Variants in CHUK observed in about 807,000 individuals in gnomAD.
CHUK encodes the protein inhibitor of nuclear factor kappa-B kinase subunit alpha.
CHUK carries 35 observed loss-of-function variants against 104.8 expected under a neutral mutation model. The observed-to-expected ratio is 0.33, with a 90% CI of 0.26 to 0.44. CHUK has a LOEUF of 0.44. Ranked by LOEUF, CHUK falls within the 20% of genes least tolerant of loss-of-function variation. The pLI, the probability that CHUK is intolerant of heterozygous loss-of-function variation, is 1.00. For synonymous variants in CHUK, 276 were observed against 291.9 expected (o/e 0.95, Z 0.56); for missense variants, 663 against 902.7 (o/e 0.73, Z 3.40).
At chr10:100,223,025 TA>T in intron 2 of CHUK, 45 bp from the exon 3 acceptor site, 2 of 982,110 alleles carry the variant, frequency 2.0e-6, no homozygotes, top group Non-Finnish European at 1.6e-6. Flanking sequence ...TTATTTCCAA[TA>T]AAAAGGGACT....
At chr10:100,207,823 T>G (rs768553180) in intron 10 of CHUK, among the ~76,000 whole-genome samples, 1 of 152,162 alleles carries the variant, frequency 6.6e-6, no homozygotes, top group Non-Finnish European at 1.5e-5. Context: ...TTTAAGCTGA[T>G]TTATGGTGAC....
At chr10:100,192,654 T>C (rs1415762337) in intron 19 of CHUK, 27 of 986,686 alleles carry the variant, frequency 2.7e-5, no homozygotes, top group Admixed American at 6.1e-5. Context: ...ATACACAAGC[T>C]AGCAAAGAGC....
chr10:100,192,577 T>C (rs1220271765), intron 19 of CHUK: 1 of 984,798 alleles, frequency 1.0e-6, no homozygotes, highest in African/African-American at 1.7e-5. Flanking sequence ...GCAAAACTAA[T>C]TATGGGCAGA....
At chr10:100,200,811 A>G in intron 14 of CHUK, 31 bp from the exon 15 acceptor site, 1 of 1,218,184 alleles carries the variant, frequency 8.2e-7, no homozygotes, top group Non-Finnish European at 1.2e-6. Context: ...AAAGGAAATG[A>G]AAGGCTTACC....
At chr10:100,211,290 CAATTT>C (rs1362900461) in intron 9 of CHUK, among the ~76,000 whole-genome samples, 21 of 152,158 alleles carry the variant, frequency 1.4e-4, no homozygotes, top group African/African-American at 3.6e-4. Context: ...TATTTTGTGA[CAATTT>C]AATTTGACAT....
chr10:100,206,401 A>G (rs139920714), intron 11 of CHUK, among the ~76,000 whole-genome samples: 114 of 152,126 alleles, frequency 7.5e-4, no homozygotes, highest in African/African-American at 2.5e-3. Context: ...GAAAAACTAC[A>G]TGCGTGAGTG....
rs766719124 is a variant in CHUK at position 100,188,609 on chromosome 10, C to CT, written c.*988dup. On this transcript the variant is annotated 3_prime_UTR_variant, in exon 21 of 21. Coordinates refer to ENST00000370397, the MANE Select transcript of CHUK (RefSeq NM_001278.5). ...CTCACCACAGTCTGTGGCAGCAGCC[C>CT]TCCCTCTCATCATCAAGCAGCAAAA... 1 of 152,522 alleles carries CT rather than the reference C, an allele frequency of 6.6e-6. No individual in the cohort carries two copies. Among genetic ancestry groups the CT allele is most frequent in the Non-Finnish European group, 1.5e-5 (1 of 68,030 alleles). 9.4% of individuals were successfully genotyped at this position (152,522 alleles called of 1,614,324 possible).
At chr10:100,207,770 C>G (rs1458203461) in intron 10 of CHUK, among the ~76,000 whole-genome samples, 1 of 151,808 alleles carries the variant, frequency 6.6e-6, no homozygotes, top group East Asian at 1.9e-4. Context: ...CTGGGGTGGA[C>G]AGAATGGAGA....
chr10:100,221,527 G>C (rs929504006), intron 4 of CHUK, among the ~76,000 whole-genome samples: 10 of 152,158 alleles, frequency 6.6e-5, no homozygotes, highest in African/African-American at 1.7e-4. Context: ...CAATGGTAGG[G>C]GGGGAGAGAA....
Position 100,200,893 on chromosome 10 carries a change from T to C in CHUK, c.1570-113A>G, listed in dbSNP as rs1158779018. The stretch of plus-strand genomic sequence containing the variant: ...CTTGCTGCTTCATTAGAGAACTAAA[T>C]AATATAATACGAAACACTGATTTTG... On this transcript the variant is annotated intron_variant, in intron 14 of 20. Coordinates refer to ENST00000370397, the MANE Select transcript of CHUK (RefSeq NM_001278.5). 8 of 714,698 alleles carry C rather than the reference T, an allele frequency of 1.1e-5. 1 individual carries two copies. Among genetic ancestry groups the C allele is most frequent in the Non-Finnish European group, 1.8e-5 (7 of 392,028 alleles). 44.3% of individuals were successfully genotyped at this position (714,698 alleles called of 1,614,324 possible).
downstream of CHUK, chr10:100,186,392 C>T (rs1844995778): frequency 3.2e-5 from 7 of 221,078 alleles, no homozygotes; most frequent in Middle Eastern, 1.4e-3. Context: ...CACTTGCTTC[C>T]GGCAGAGATC....
intron 20 of CHUK, chr10:100,189,949 C>T: frequency 4.2e-6 from 1 of 237,676 alleles, no homozygotes; most frequent in Non-Finnish European, 8.2e-6. Flanking sequence ...TGGGCTCATG[C>T]AATCCTTCTG....
chr10:100,209,534 C>T (rs755533078), intron 10 of CHUK, 61 bp downstream of exon 10: 2 of 1,046,966 alleles, frequency 1.9e-6, no homozygotes, highest in Non-Finnish European at 3.0e-6. Flanking sequence ...ATAAAAATTG[C>T]AGGGCACGCA....
intron 14 of CHUK, 74 bp downstream of exon 14, chr10:100,202,014 A>G (rs1440266283): frequency 1.7e-6 from 2 of 1,160,990 alleles, no homozygotes; most frequent in Non-Finnish European, 2.6e-6. Context: ...CTCTTTATAT[A>G]TCAAAACCAA....
chr10:100,217,769 C>T (rs1325180778), intron 9 of CHUK, among the ~76,000 whole-genome samples: 1 of 152,074 alleles, frequency 6.6e-6, no homozygotes, highest in East Asian at 1.9e-4. Flanking sequence ...CCCAACTACT[C>T]GGGAGGCTGA....
At chr10:100,200,900 A>G in intron 14 of CHUK, 120 bp from the exon 15 acceptor site, 1 of 701,236 alleles carries the variant, frequency 1.4e-6, no homozygotes, top group Non-Finnish European at 2.6e-6. Context: ...AAATAATATA[A>G]TACGAAACAC....
intron 2 of CHUK, 21 bp downstream of exon 2, chr10:100,225,902 T>G (rs147546782): frequency 1.3e-5 from 19 of 1,411,682 alleles, no homozygotes; most frequent in Admixed American, 1.2e-4. Flanking sequence ...CAGGGAAATG[T>G]AAGTCAAGGA....
chr10:100,229,257 C>A (rs1436402510), intron 1 of CHUK, among the ~76,000 whole-genome samples, 171 bp downstream of exon 1: 2 of 152,178 alleles, frequency 1.3e-5, no homozygotes, highest in African/African-American at 4.8e-5. Flanking sequence ...ACTTTGGACA[C>A]ACAGGCATAG....
At chr10:100,196,639 G>A (rs907862255) in intron 16 of CHUK, among the ~76,000 whole-genome samples, 16 of 152,128 alleles carry the variant, frequency 1.1e-4, no homozygotes, top group African/African-American at 3.6e-4. Flanking sequence ...GGCCTCAAAC[G>A]ATCCTCCTGT....
Sources: gnomAD v4.1 joint callset for allele counts (sites outside exome capture counted in the v4.1 genomes callset) on GRCh38, gnomAD v4.1.1 for gene constraint, MANE v1.5 for transcripts, NCBI Gene and HGNC (gene_info 2026-07-23, HGNC 2026-07-21) for gene names.